SEMA6A: variants seen among roughly 807,000 people sequenced by gnomAD.
SEMA6A encodes the protein semaphorin 6A.
A neutral mutation model predicts 96.8 loss-of-function variants in SEMA6A; 25 were observed. That is an observed-to-expected ratio of 0.26 (90% CI 0.19 to 0.36). SEMA6A has a LOEUF of 0.36. Among genes scored for constraint, SEMA6A ranks in the 10% least tolerant of loss-of-function variants. The pLI is 1.00. For missense variants in SEMA6A, 1,363 were observed against 1,323.1 expected, an observed-to-expected ratio of 1.03 and a Z score of -0.47; for synonymous variants, 612 against 518.0, an observed-to-expected ratio of 1.18 and a Z score of -2.46.
At chr5:116,496,178 G>A (rs557531137) in intron 5 of SEMA6A, 73 bp downstream of exon 5, 20 of 1,225,956 alleles carry the variant, frequency 1.6e-5, no homozygotes, top group Non-Finnish European at 2.0e-5. Context: ...TCTACATCAC[G>A]GTCTATGGCT....
rs34930819 is a variant in SEMA6A at position 116,486,751 on chromosome 5, G to A, written c.960C>T (p.Asn320=). Residue 320 remains asparagine, a splice_region_variant and synonymous_variant, in exon 10 of 19, where the codon AAC becomes AAT. Transcript: ENST00000343348. ...CAACACAGCTAGGGCATGATTACCT[G>A]TTATAAGGTGTAGAAAACGTTGCCA... The part of the protein sequence containing the change: ...VVLATFSTPY[N]SIPGSAVCAY... 3.8e-4 allele frequency: 617 copies of A among 1,612,682 alleles called. No homozygotes were observed. The highest frequency in any genetic ancestry group is 5.0e-4 in the Non-Finnish European group (593 of 1,178,878).
intron 1 of SEMA6A, among the ~76,000 whole-genome samples, chr5:116,556,520 C>G (rs967023496): frequency 2.6e-5 from 4 of 152,152 alleles, no homozygotes; most frequent in African/African-American, 7.2e-5. Context: ...TCATCAGACT[C>G]CCTTTATGAG....
rs567924453 is a variant in SEMA6A, at chr5:116,548,168, G to A, written c.-39+26017C>T. Among the ~76,000 whole-genome samples the A allele has an allele frequency of 7.9e-5, 12 of 152,274 alleles. No individual in the cohort carries two copies. In the East Asian group the frequency reaches 1.5e-3, roughly 20 times the overall value. On this transcript the variant is annotated intron_variant, in intron 1 of 18. Transcript: ENST00000343348. ...ACTACAGGCCAGTTATAATGCCTTC[G>A]CCTTCCTTGACGGCTTTCTTCTCTT...
At chr5:116,491,978 T>G in intron 6 of SEMA6A, 148 bp from the exon 7 acceptor site, 1 of 641,110 alleles carries the variant, frequency 1.6e-6, no homozygotes. Flanking sequence ...AAACTGTAGT[T>G]GAGAATCACA....
intron 1 of SEMA6A, among the ~76,000 whole-genome samples, chr5:116,571,748 T>C (rs1761224224): frequency 6.6e-6 from 1 of 152,188 alleles, no homozygotes. Context: ...ATAATTAACT[T>C]TGGTGCCTGG....
intron 1 of SEMA6A, among the ~76,000 whole-genome samples, chr5:116,564,883 G>T (rs1760967736): frequency 3.3e-5 from 5 of 152,174 alleles, no homozygotes; most frequent in Admixed American, 2.6e-4. Context: ...AAAAAGGAAA[G>T]GTTAAACCTG....
chr5:116,520,948 C>G (rs1394366926), intron 1 of SEMA6A, among the ~76,000 whole-genome samples: 2 of 152,154 alleles, frequency 1.3e-5, no homozygotes, highest in Non-Finnish European at 2.9e-5. Flanking sequence ...GGCAGCTGCT[C>G]CTAGGGCTCT....
At chr5:116,557,114 G>A (rs1193510348) in intron 1 of SEMA6A, among the ~76,000 whole-genome samples, 2 of 152,288 alleles carry the variant, frequency 1.3e-5, no homozygotes, top group Admixed American at 1.3e-4. Flanking sequence ...ACTCTTTGAA[G>A]GTTTGTAATA....
chr5:116,472,103 A>G (rs1756179107), intron 17 of SEMA6A, among the ~76,000 whole-genome samples: 1 of 152,200 alleles, frequency 6.6e-6, no homozygotes, highest in Non-Finnish European at 1.5e-5. Flanking sequence ...TGTTTTTCAT[A>G]TCATACTTTA....
At chr5:116,503,517 CT>C (rs11305955) in intron 2 of SEMA6A, among the ~76,000 whole-genome samples, 121,553 of 145,568 alleles carry the variant, frequency 0.84, 51,070 homozygotes, top group East Asian at 0.99. Flanking sequence ...GGAGTCCCTT[CT>C]TTTTTTTTTT....
rs1333904420 is a variant in SEMA6A at position 116,447,454 on chromosome 5, T to C, written c.2252A>G (p.Asp751Gly). Reference protein sequence around the residue: ...MLIKADQHHLDLTALPTPEST... With the variant: ...MLIKADQHHLGLTALPTPEST... ...CTCTGGGGTGGGGAGGGCCGTCAGG[T>C]CCAGGTGGTGCTGGTCTGCTTTAAT... Residue 751 changes from aspartate to glycine, a missense_variant, in exon 19 of 19, where the codon GAC becomes GGC. This residue lies in a region of SEMA6A where 883 missense variants were observed against 763.6 expected (regional missense o/e 1.16). Transcript: ENST00000343348. 3.1e-6 allele frequency: 5 copies of C among 1,614,064 alleles called. No individual in the cohort carries two copies. Among genetic ancestry groups the C allele is most frequent in the Non-Finnish European group, 4.2e-6 (5 of 1,179,898 alleles).
At chr5:116,487,527 A>G (rs995348491) in intron 9 of SEMA6A, among the ~76,000 whole-genome samples, 9 of 152,196 alleles carry the variant, frequency 5.9e-5, no homozygotes, top group African/African-American at 1.9e-4. Context: ...TAAGAAAAAA[A>G]AAACAAAACT....
chr5:116,488,748 A>G (rs1757185955), intron 8 of SEMA6A, 140 bp downstream of exon 8: 1 of 1,108,374 alleles, frequency 9.0e-7, no homozygotes, highest in Admixed American at 3.5e-5. Context: ...GTTGAAGCCA[A>G]AGATGCAATT....
At chr5:116,567,466 A>G (rs904026335) in intron 1 of SEMA6A, among the ~76,000 whole-genome samples, 19 of 152,210 alleles carry the variant, frequency 1.2e-4, no homozygotes, top group African/African-American at 4.6e-4. Flanking sequence ...ACTGTTACTC[A>G]AGTAAAAATA....
intron 1 of SEMA6A, among the ~76,000 whole-genome samples, chr5:116,507,325 T>G (rs931085470): frequency 5.3e-5 from 8 of 152,242 alleles, no homozygotes; most frequent in African/African-American, 1.9e-4. Context: ...CCCTTTCTAC[T>G]CAATTTTGGG....
chr5:116,496,782 T>C (rs184301085), intron 4 of SEMA6A, among the ~76,000 whole-genome samples: 52 of 152,348 alleles, frequency 3.4e-4, no homozygotes, highest in African/African-American at 8.4e-4. Context: ...TAATTCAGGT[T>C]ATACTCCTTC....
intron 15 of SEMA6A, among the ~76,000 whole-genome samples, chr5:116,476,568 G>A (rs945324222): frequency 7.2e-5 from 11 of 152,172 alleles, no homozygotes; most frequent in South Asian, 2.1e-4. Flanking sequence ...CAAAGGGAAC[G>A]CCCCATGTTT....
At chr5:116,448,658 T>A (rs1323757515) in intron 18 of SEMA6A, among the ~76,000 whole-genome samples, 1 of 146,150 alleles carries the variant, frequency 6.8e-6, no homozygotes, top group African/African-American at 2.5e-5. Context: ...TTTAAGCAAC[T>A]AGAGGAAAGA....
At chr5:116,490,402 C>G (rs532594631) in intron 7 of SEMA6A, among the ~76,000 whole-genome samples, 1 of 152,086 alleles carries the variant, frequency 6.6e-6, no homozygotes, top group Non-Finnish European at 1.5e-5. Context: ...ACTCCTGGCC[C>G]TACAGTTAAA....
Sources: gnomAD v4.1 joint callset for allele counts (sites outside exome capture counted in the v4.1 genomes callset) on GRCh38, gnomAD v4.1.1 for gene constraint, gnomAD v4.1.1 regional missense constraint, MANE v1.5 for transcripts, NCBI Gene and HGNC (gene_info 2026-07-23, HGNC 2026-07-21) for gene names.